RERE: variants seen among roughly 807,000 people sequenced by gnomAD.
RERE encodes the protein arginine-glutamic acid dipeptide repeats.
RERE carries 40 observed loss-of-function variants against 146.1 expected under a neutral mutation model. That is an observed-to-expected ratio of 0.27 (90% CI 0.21 to 0.36). The LOEUF (loss-of-function observed/expected upper bound fraction) is 0.36. Ranked by LOEUF, RERE falls within the 10% of genes least tolerant of loss-of-function variation. RERE has a pLI of 1.00. For missense variants in RERE, 1,933 were observed against 2,138.7 expected, an observed-to-expected ratio of 0.90 and a Z score of 1.90; for synonymous variants, 1,003 against 866.0, an observed-to-expected ratio of 1.16 and a Z score of -2.78.
intron 7 of RERE, among the ~76,000 whole-genome samples, chr1:8,523,427 C>T (rs1339672437): frequency 2.0e-5 from 3 of 152,182 alleles, no homozygotes; most frequent in African/African-American, 7.2e-5. Context: ...CCCAACATTT[C>T]CTGATATTCT....
chr1:8,578,715 AT>A (rs1646326498), intron 4 of RERE, among the ~76,000 whole-genome samples: 1 of 152,170 alleles, frequency 6.6e-6, no homozygotes, highest in Non-Finnish European at 1.5e-5. Context: ...TTCCAAGAAC[AT>A]CTCACTTAGG....
At position 8,639,582 on chromosome 1, in the gene RERE, TATC is replaced by T. The variant is rs1241093569; in HGVS notation, c.326-15205_326-15203del. 5.9e-5 allele frequency among the ~76,000 whole-genome samples: 9 copies of T among 152,284 alleles called. No homozygotes were observed. The South Asian group carries it at 1.9e-3, about 32-fold the overall frequency. On this transcript the variant is annotated intron_variant, in intron 2 of 22. Coordinates refer to ENST00000400908, the MANE Select transcript of RERE (RefSeq NM_001042681.2). ...TATATAACTCCTTGCAAGGAAGAAA[TATC>T]ATCTCCCCAAGTCTGAGTGCTAACA...
At chr1:8,471,517 C>CTTTTT (rs35144697) in intron 10 of RERE, among the ~76,000 whole-genome samples, 1 of 132,358 alleles carries the variant, frequency 7.6e-6, no homozygotes, top group Non-Finnish European at 1.6e-5. Flanking sequence ...CCCGGGGTTG[C>CTTTTT]TTTTTTTTTT....
At chr1:8,496,407 G>A (rs1165792647) in intron 9 of RERE, among the ~76,000 whole-genome samples, 1 of 151,714 alleles carries the variant, frequency 6.6e-6, no homozygotes, top group Non-Finnish European at 1.5e-5. Flanking sequence ...AGCTCAGGAA[G>A]TTAAGGCTGT....
chr1:8,449,146 C>T (rs1644361784), intron 11 of RERE, among the ~76,000 whole-genome samples: 1 of 152,168 alleles, frequency 6.6e-6, no homozygotes, highest in African/African-American at 2.4e-5. Context: ...TGGCTAACGG[C>T]AGGCAGAAAC....
rs1311718014 is a variant in RERE, at chr1:8,556,590, A to T, written c.629-19T>A. 1 of 1,467,862 alleles carries T rather than the reference A, an allele frequency of 6.8e-7. No individual in the cohort carries two copies. The highest frequency in any genetic ancestry group is 9.5e-7 in the Non-Finnish European group (1 of 1,050,052). 90.9% of individuals were successfully genotyped at this position (1,467,862 alleles called of 1,614,324 possible). On this transcript the variant is annotated intron_variant, in intron 5 of 22. Coordinates refer to ENST00000400908, the MANE Select transcript of RERE (RefSeq NM_001042681.2). ...CCAGAGTCTGTCAAAAAATTAATTA[A>T]GACGACATTAAAACTGAGTTTCCCA...
At chr1:8,744,725 G>A (rs894075615) in intron 1 of RERE, among the ~76,000 whole-genome samples, 19 of 151,924 alleles carry the variant, frequency 1.3e-4, no homozygotes, top group African/African-American at 2.2e-4. Flanking sequence ...AAGCTAAAAC[G>A]TACAAAGTTC....
At chr1:8,448,179 A>G (rs1253333934) in intron 11 of RERE, among the ~76,000 whole-genome samples, 5 of 152,028 alleles carry the variant, frequency 3.3e-5, no homozygotes, top group South Asian at 2.1e-4. Flanking sequence ...GCATTTAATA[A>G]ATGTTTCTTC....
chr1:8,693,036 T>C (rs375128432), intron 1 of RERE, among the ~76,000 whole-genome samples: 1 of 151,884 alleles, frequency 6.6e-6, no homozygotes, highest in Admixed American at 6.6e-5. Flanking sequence ...TGAGCAGTTA[T>C]ATGAAAAAAA....
At chr1:8,661,251 C>A (rs1232502159) in intron 1 of RERE, among the ~76,000 whole-genome samples, 2 of 151,964 alleles carry the variant, frequency 1.3e-5, no homozygotes, top group Non-Finnish European at 2.9e-5. Flanking sequence ...ATGAGCCAGG[C>A]CCACTCAAGA....
At chr1:8,618,813 A>G (rs1247520367) in intron 3 of RERE, among the ~76,000 whole-genome samples, 1 of 152,238 alleles carries the variant, frequency 6.6e-6, no homozygotes, top group Non-Finnish European at 1.5e-5. Context: ...GAGGAGAAAT[A>G]GCTTCTTGTT....
chr1:8,793,058 G>A (rs1206327754), intron 1 of RERE, among the ~76,000 whole-genome samples: 1 of 150,746 alleles, frequency 6.6e-6, no homozygotes, highest in Non-Finnish European at 1.5e-5. Context: ...TTTGGAGGCC[G>A]AGGCAGGAGA....
chr1:8,597,905 C>T lies in RERE; in HGVS notation c.522+16656G>A, dbSNP rs1570487042. 1.3e-5 allele frequency among the ~76,000 whole-genome samples: 2 copies of T among 151,992 alleles called. 1 individual carries two copies. Among genetic ancestry groups the T allele is most frequent in the East Asian group, 3.9e-4 (2 of 5,190 alleles). ...ACTGTGAGGATGGATAACTATATTT[C>T]CTTAAGAAATAGCAGGAAGGTATCT... On this transcript the variant is annotated intron_variant, in intron 4 of 22. Transcript: ENST00000400908.
chr1:8,526,111 T>G, intron 7 of RERE: 1 of 1,061,598 alleles, frequency 9.4e-7, no homozygotes, highest in Non-Finnish European at 1.1e-6. Flanking sequence ...ACCAAGCTAG[T>G]GTGCAGGGAA....
intron 6 of RERE, among the ~76,000 whole-genome samples, chr1:8,556,070 A>T (rs1158207285): frequency 6.6e-6 from 1 of 152,124 alleles, no homozygotes; most frequent in Non-Finnish European, 1.5e-5. Flanking sequence ...TAGAAAGTAA[A>T]CTGCAGACCA....
At chr1:8,767,298 A>G (rs1640866813) in intron 1 of RERE, among the ~76,000 whole-genome samples, 1 of 152,230 alleles carries the variant, frequency 6.6e-6, no homozygotes, top group Non-Finnish European at 1.5e-5. Flanking sequence ...GGTTTGATAC[A>G]TAATTGAAAT....
At chr1:8,603,876 G>A (rs1646664079) in intron 4 of RERE, among the ~76,000 whole-genome samples, 1 of 144,206 alleles carries the variant, frequency 6.9e-6, no homozygotes, top group Admixed American at 7.2e-5. Context: ...AGAGGCCGAG[G>A]CTGTAGTGAG....
chr1:8,549,238 G>A (rs1386733738), intron 6 of RERE, among the ~76,000 whole-genome samples: 7 of 152,090 alleles, frequency 4.6e-5, no homozygotes, highest in Non-Finnish European at 1.0e-4. Flanking sequence ...TCCAGCGCTG[G>A]AAGTTAGAAA....
chr1:8,718,883 G>A (rs1248935254), intron 1 of RERE, among the ~76,000 whole-genome samples: 1 of 152,168 alleles, frequency 6.6e-6, no homozygotes, highest in Non-Finnish European at 1.5e-5. Context: ...TGGATGGAGT[G>A]CACAGCACAC....
Sources: gnomAD v4.1 joint callset for allele counts (sites outside exome capture counted in the v4.1 genomes callset) on GRCh38, gnomAD v4.1.1 for gene constraint, MANE v1.5 for transcripts, NCBI Gene and HGNC (gene_info 2026-07-23, HGNC 2026-07-21) for gene names.